Variants in ITIH2 observed in about 807,000 individuals in gnomAD.
ITIH2 encodes the protein inter-alpha-trypsin inhibitor heavy chain H2.
Under a neutral mutation model 104.4 loss-of-function variants are expected in ITIH2, and 103 were observed. That is an observed-to-expected ratio of 0.99 (90% CI 0.84 to 1.16). The LOEUF is 1.16. Among genes scored for constraint, ITIH2 ranks in the 50% most tolerant of loss-of-function variants. ITIH2 has a pLI of 0.00. For synonymous variants in ITIH2, 436 were observed against 435.4 expected, an observed-to-expected ratio of 1.00 and a Z score of -0.02; for missense variants, 1,108 against 1,162.4, an observed-to-expected ratio of 0.95 and a Z score of 0.68.
Position 7,721,645 on chromosome 10 carries a change from C to T in ITIH2, c.739-4C>T. ...AGAGGCTCTGATGTCACCGTTCTTT[C>T]TAGGCGCACGTCTCCTTCAAGCCCA... On this transcript the variant is annotated splice_polypyrimidine_tract_variant and splice_region_variant and intron_variant, in intron 7 of 20. Coordinates refer to ENST00000358415, the MANE Select transcript of ITIH2 (RefSeq NM_002216.3). 1 of 1,613,066 alleles carries T rather than the reference C, an allele frequency of 6.2e-7. No homozygotes were observed. Among genetic ancestry groups the T allele is most frequent in the Non-Finnish European group, 8.5e-7 (1 of 1,179,330 alleles).
intron 12 of ITIH2, among the ~76,000 whole-genome samples, chr10:7,731,320 C>A (rs1019954731): frequency 1.3e-5 from 2 of 152,206 alleles, no homozygotes; most frequent in Non-Finnish European, 2.9e-5. Flanking sequence ...ATGTTCTCAA[C>A]AAGTCTTTGT....
chr10:7,737,930 A>C (rs1296147137), intron 15 of ITIH2, among the ~76,000 whole-genome samples: 9 of 506 alleles, frequency 0.018, 2 homozygotes, highest in African/African-American at 0.067. Flanking sequence ...TCTATATATT[A>C]TATATTATAT....
At chr10:7,734,863 A>T in intron 14 of ITIH2, 59 bp from the exon 15 acceptor site, 1 of 1,467,316 alleles carries the variant, frequency 6.8e-7, no homozygotes. Context: ...CAGGGAGCTG[A>T]CTTGCGCTCC....
At chr10:7,724,793 T>G (rs987262323) in intron 9 of ITIH2, among the ~76,000 whole-genome samples, 3 of 151,854 alleles carry the variant, frequency 2.0e-5, no homozygotes, top group African/African-American at 7.3e-5. Flanking sequence ...TTTGCTAAAT[T>G]TTGGTAGCAC....
chr10:7,705,020 T>C, intron 1 of ITIH2, 88 bp from the exon 2 acceptor site: 3 of 796,878 alleles, frequency 3.8e-6, no homozygotes, highest in Non-Finnish European at 6.1e-6. Context: ...TGTATACCTA[T>C]GTAACAAATC....
intron 16 of ITIH2, among the ~76,000 whole-genome samples, chr10:7,741,201 A>T (rs1835120873): frequency 7.3e-6 from 1 of 136,998 alleles, no homozygotes; most frequent in African/African-American, 2.7e-5. Context: ...TTTTTGAGAC[A>T]GAGTTTCACT....
rs1564305445 is a variant in ITIH2 at position 7,737,580 on chromosome 10, T to TATAGA, written c.1958-1038_1958-1037insGAATA. On this transcript the variant is annotated intron_variant, in intron 15 of 20. Transcript: ENST00000358415. ...CTATATAATATTATATATTAAATTC[T>TATAGA]ATATTCTATATTATATTCTATATTC... Among the ~76,000 whole-genome samples, 25 of 66,204 alleles carry TATAGA rather than the reference T, an allele frequency of 3.8e-4. 1 individual carries two copies. The highest frequency in any genetic ancestry group is 1.2e-3 in the African/African-American group (24 of 20,840). 43.4% of individuals were successfully genotyped at this position (66,204 alleles called of 152,430 possible).
At chr10:7,749,136 T>C (rs1185245205) in intron 20 of ITIH2, 51 bp from the exon 21 acceptor site, 1 of 1,556,668 alleles carries the variant, frequency 6.4e-7, no homozygotes, top group Non-Finnish European at 8.8e-7. Context: ...GGGAGTCTTG[T>C]GTCTAGAGGT....
intron 3 of ITIH2, 83 bp from the exon 4 acceptor site, chr10:7,708,939 T>C (rs1834771231): frequency 1.8e-6 from 2 of 1,141,190 alleles, no homozygotes; most frequent in Non-Finnish European, 2.6e-6. Flanking sequence ...AAATGTAGTG[T>C]TGTTAACATC....
At chr10:7,710,225 T>C (rs1834784792) in intron 4 of ITIH2, among the ~76,000 whole-genome samples, 1 of 152,236 alleles carries the variant, frequency 6.6e-6, no homozygotes, top group Non-Finnish European at 1.5e-5. Flanking sequence ...TGAGTATTCA[T>C]AATGGTGTAG....
At chr10:7,722,538 G>C (rs1477550373) in intron 8 of ITIH2, among the ~76,000 whole-genome samples, 5 of 152,150 alleles carry the variant, frequency 3.3e-5, no homozygotes, top group Admixed American at 1.3e-4. Context: ...TCTCCAACTA[G>C]TTCCCTGAAT....
chr10:7,714,234 C>A (rs1024650889), intron 5 of ITIH2, among the ~76,000 whole-genome samples: 2 of 134,684 alleles, frequency 1.5e-5, no homozygotes, highest in Non-Finnish European at 3.0e-5. Context: ...TGCAGTGGTG[C>A]GATCTCGGCT....
chr10:7,724,252 C>A (rs1001079245), intron 9 of ITIH2, among the ~76,000 whole-genome samples: 2 of 152,050 alleles, frequency 1.3e-5, no homozygotes, highest in Non-Finnish European at 2.9e-5. Context: ...TCACTACTAC[C>A]CTAAGATCTG....
rs748873415 is a variant in ITIH2, at chr10:7,744,799, T to G, written c.2417T>G (p.Ile806Ser). The G allele has an allele frequency of 1.2e-6, 2 of 1,613,736 alleles. No individual in the cohort carries two copies. Among genetic ancestry groups the G allele is most frequent in the Non-Finnish European group, 1.7e-6 (2 of 1,179,760 alleles). Residue 806 changes from isoleucine to serine, a missense_variant, in exon 19 of 21, where the codon ATC becomes AGC. Physicochemically the swap from Ile to Ser is moderately radical, Grantham distance 142 (BLOSUM62 -2). Transcript: ENST00000358415. ...TTGGACTTTCACACCAGGGTGCAGA[T>G]CTCAGTGAAGAAAGAAAAAGTGGTA... ...TAQVTNQRVQISVKKEKVVTI... is the reference protein window; with the variant it reads ...TAQVTNQRVQSSVKKEKVVTI...
At chr10:7,709,263 A>G (rs1384962783) in intron 4 of ITIH2, 72 bp downstream of exon 4, 1 of 1,409,630 alleles carries the variant, frequency 7.1e-7, no homozygotes, top group Non-Finnish European at 1.0e-6. Context: ...TCATAGTTAG[A>G]ATGGACTTTA....
chr10:7,706,069 G>A (rs1469482057), intron 2 of ITIH2, among the ~76,000 whole-genome samples: 2 of 152,172 alleles, frequency 1.3e-5, no homozygotes, highest in South Asian at 4.1e-4. Context: ...GCTGATCAAT[G>A]TCTTATTTTG....
intron 12 of ITIH2, among the ~76,000 whole-genome samples, chr10:7,730,549 G>C (rs983281064): frequency 4.6e-5 from 7 of 152,130 alleles, no homozygotes; most frequent in Non-Finnish European, 8.8e-5. Context: ...GGCTGAGTGT[G>C]GTGGCTCATG....
At chr10:7,706,579 A>G (rs893742500) in intron 2 of ITIH2, among the ~76,000 whole-genome samples, 1 of 152,228 alleles carries the variant, frequency 6.6e-6, no homozygotes, top group Non-Finnish European at 1.5e-5. Flanking sequence ...TTAAAGGAAG[A>G]GACAGACTTT....
chr10:7,727,876 T>C, intron 11 of ITIH2, 48 bp downstream of exon 11: 1 of 1,607,640 alleles, frequency 6.2e-7, no homozygotes, highest in Non-Finnish European at 8.5e-7. Context: ...CACTGTTGTT[T>C]CTTGGAATGG....
Sources: allele counts gnomAD v4.1 joint callset (sites outside exome capture counted in the v4.1 genomes callset), GRCh38; gene constraint gnomAD v4.1.1; transcripts MANE v1.5; gene names NCBI Gene and HGNC (gene_info 2026-07-23, HGNC 2026-07-21).